The following SCAPER variants were observed in gnomAD, a reference collection of about 807,000 sequenced individuals.
SCAPER encodes S-phase cyclin A associated protein in the ER.
A neutral mutation model predicts 182.2 loss-of-function variants in SCAPER; 98 were observed. The observed-to-expected ratio is 0.54, with a 90% CI of 0.46 to 0.64. The LOEUF (loss-of-function observed/expected upper bound fraction) is 0.64. Ranked by LOEUF, SCAPER falls within the 30% of genes least tolerant of loss-of-function variation. The pLI, the probability that SCAPER is intolerant of heterozygous loss-of-function variation, is 0.00. For missense variants in SCAPER, 1,432 were observed against 1,690.0 expected (o/e 0.85, Z 2.68); for synonymous variants, 605 against 564.6 (o/e 1.07, Z -1.01).
At chr15:76,675,098 T>C (rs116856203) in intron 20 of SCAPER, among the ~76,000 whole-genome samples, 1 of 152,362 alleles carries the variant, frequency 6.6e-6, no homozygotes, top group Non-Finnish European at 1.5e-5. Context: ...CACTGCAAGG[T>C]TGTGTGATGA....
chr15:76,532,332 CTTCCTTCCTTCCT>C (rs917218788), intron 23 of SCAPER, among the ~76,000 whole-genome samples: 16 of 151,914 alleles, frequency 1.1e-4, no homozygotes, highest in African/African-American at 3.9e-4. Context: ...CTCCCCTCCC[CTTCCTTCCTTCCT>C]TTCCTTCCTT....
At chr15:76,893,193 G>A (rs2074253016) in intron 1 of SCAPER, among the ~76,000 whole-genome samples, 2 of 152,156 alleles carry the variant, frequency 1.3e-5, no homozygotes, top group Non-Finnish European at 2.9e-5. Flanking sequence ...GGGGGCTGAG[G>A]GAGGGATAGC....
Position 76,771,939 on chromosome 15 carries a change from A to G in SCAPER, c.1051T>C (p.Leu351=), listed in dbSNP as rs1458676669. 3.1e-6 allele frequency: 5 copies of G among 1,609,908 alleles called. No individual in the cohort carries two copies. The highest frequency in any genetic ancestry group is 4.2e-6 in the Non-Finnish European group (5 of 1,178,616). The change falls in exon 10 of 32, where the codon TTG becomes CTG. Residue 351 remains leucine, a synonymous_variant. Transcript: ENST00000563290. ...AEKTQFTVST[L]DDVKNSGSIR... is the part of the protein sequence containing the mutation. ...CTGCCAGAATTCTTCACATCATCCA[A>G]TGTACTCACTGTGAACTAACAAAAC...
chr15:76,488,828 C>A (rs142178292), intron 24 of SCAPER, among the ~76,000 whole-genome samples: 2 of 146,602 alleles, frequency 1.4e-5, no homozygotes, highest in African/African-American at 5.1e-5. Flanking sequence ...CAGGTTCAAG[C>A]GATTCTCCTG....
At chr15:76,636,364 C>T (rs1456104764) in intron 21 of SCAPER, among the ~76,000 whole-genome samples, 5 of 151,936 alleles carry the variant, frequency 3.3e-5, no homozygotes. Flanking sequence ...CTATTTCTGG[C>T]CTTTCTCTCT....
intron 23 of SCAPER, chr15:76,567,134 C>T (rs977624084): frequency 3.3e-5 from 8 of 239,236 alleles, no homozygotes; most frequent in African/African-American, 1.9e-4. Flanking sequence ...CTTTATATGA[C>T]TGGAATTGTA....
intron 8 of SCAPER, among the ~76,000 whole-genome samples, chr15:76,788,445 C>T (rs2064771867): frequency 6.6e-6 from 1 of 151,914 alleles, no homozygotes; most frequent in Non-Finnish European, 1.5e-5. Flanking sequence ...ATTATGAAAA[C>T]AAAATAAATC....
intron 5 of SCAPER, among the ~76,000 whole-genome samples, chr15:76,838,181 A>C (rs2069121112): frequency 6.6e-6 from 1 of 152,216 alleles, no homozygotes; most frequent in African/African-American, 2.4e-5. Context: ...CTGGATAAAG[A>C]AAATGTGGTA....
At chr15:76,536,041 C>T (rs1195946295) in intron 23 of SCAPER, among the ~76,000 whole-genome samples, 1 of 152,136 alleles carries the variant, frequency 6.6e-6, no homozygotes, top group Non-Finnish European at 1.5e-5. Flanking sequence ...AATTTTAAAA[C>T]CATTCTGAAA....
intron 23 of SCAPER, among the ~76,000 whole-genome samples, chr15:76,512,404 C>G (rs2042117334): frequency 6.6e-6 from 1 of 151,956 alleles, no homozygotes; most frequent in African/African-American, 2.4e-5. Context: ...GAACTAAACT[C>G]TCCTCTCATA....
chr15:76,578,062 GGC>G (rs2047984453), intron 22 of SCAPER, among the ~76,000 whole-genome samples: 2 of 151,870 alleles, frequency 1.3e-5, no homozygotes, highest in South Asian at 4.2e-4. Flanking sequence ...ACAGTAGCCA[GGC>G]AGTACTCACC....
At chr15:76,738,993 T>C (rs940260986) in intron 15 of SCAPER, among the ~76,000 whole-genome samples, 1 of 152,146 alleles carries the variant, frequency 6.6e-6, no homozygotes, top group Non-Finnish European at 1.5e-5. Flanking sequence ...AATAAAACAA[T>C]GCATGCCTGT....
intron 8 of SCAPER, among the ~76,000 whole-genome samples, chr15:76,790,957 T>C (rs1455845820): frequency 6.6e-6 from 1 of 152,246 alleles, no homozygotes. Flanking sequence ...CCTCAAAGCC[T>C]AGCTTTACCT....
At chr15:76,701,291 AAG>A (rs1283819487) in intron 20 of SCAPER, among the ~76,000 whole-genome samples, 1 of 152,190 alleles carries the variant, frequency 6.6e-6, no homozygotes, top group Non-Finnish European at 1.5e-5. Flanking sequence ...AAGTTTCAAA[AAG>A]AGTTAAATGA....
intron 21 of SCAPER, among the ~76,000 whole-genome samples, chr15:76,655,056 T>C (rs1000189160): frequency 6.6e-6 from 1 of 152,138 alleles, no homozygotes; most frequent in African/African-American, 2.4e-5. Flanking sequence ...TTAACCAGGC[T>C]GAAATGACAG....
intron 22 of SCAPER, among the ~76,000 whole-genome samples, chr15:76,581,696 T>C (rs1040260379): frequency 6.6e-6 from 1 of 152,122 alleles, no homozygotes; most frequent in Non-Finnish European, 1.5e-5. Flanking sequence ...AAGCCATTCT[T>C]GTGCCTCACC....
At chr15:76,830,909 C>G (rs1265451422) in intron 5 of SCAPER, among the ~76,000 whole-genome samples, 1 of 151,944 alleles carries the variant, frequency 6.6e-6, no homozygotes, top group Non-Finnish European at 1.5e-5. Flanking sequence ...CTGGGAACCC[C>G]GAACAGGGTT....
At chr15:76,877,842 A>G in intron 2 of SCAPER, among the ~76,000 whole-genome samples, 1 of 152,212 alleles carries the variant, frequency 6.6e-6, no homozygotes. Flanking sequence ...TCATTCAGAT[A>G]ATGACAAATT....
chr15:76,688,658 A>G (rs1389620270), intron 20 of SCAPER, among the ~76,000 whole-genome samples: 2 of 152,064 alleles, frequency 1.3e-5, no homozygotes, highest in Non-Finnish European at 2.9e-5. Context: ...ATGGCTAGCC[A>G]GTTTTCCCAA....
Sources: allele counts gnomAD v4.1 joint callset (sites outside exome capture counted in the v4.1 genomes callset), GRCh38; gene constraint gnomAD v4.1.1; transcripts MANE v1.5; gene names NCBI Gene and HGNC (gene_info 2026-07-23, HGNC 2026-07-21).